CDC42BPA: variants seen among roughly 807,000 people sequenced by gnomAD.
The protein encoded by CDC42BPA is CDC42 binding protein kinase alpha.
A neutral mutation model predicts 223.5 loss-of-function variants in CDC42BPA; 80 were observed. That is an observed-to-expected ratio of 0.36 (90% confidence interval 0.30 to 0.43). CDC42BPA has a LOEUF of 0.43. Ranked by LOEUF, CDC42BPA falls within the 20% of genes least tolerant of loss-of-function variation. CDC42BPA has a pLI of 1.00. For missense variants in CDC42BPA, 1,743 were observed against 2,099.9 expected (o/e 0.83, Z 3.32); for synonymous variants, 694 against 718.6 (o/e 0.97, Z 0.55).
intron 1 of CDC42BPA, among the ~76,000 whole-genome samples, chr1:227,281,923 C>G (rs1456145601): frequency 6.6e-6 from 1 of 152,158 alleles, no homozygotes; most frequent in Non-Finnish European, 1.5e-5. Context: ...GGCATGTTGG[C>G]TCACGCCTGT....
At chr1:227,181,522 T>G (rs1667928334) in intron 5 of CDC42BPA, among the ~76,000 whole-genome samples, 1 of 152,226 alleles carries the variant, frequency 6.6e-6, no homozygotes, top group South Asian at 2.1e-4. Flanking sequence ...TCTTCCTGAT[T>G]CACTTGTTCA....
intron 1 of CDC42BPA, among the ~76,000 whole-genome samples, chr1:227,304,836 T>A (rs1409768183): frequency 6.6e-6 from 1 of 152,250 alleles, no homozygotes; most frequent in Non-Finnish European, 1.5e-5. Context: ...GGAACTGCTC[T>A]GTACCTTGAC....
intron 1 of CDC42BPA, among the ~76,000 whole-genome samples, chr1:227,259,965 A>C (rs1369036838): frequency 2.0e-5 from 3 of 150,750 alleles, no homozygotes; most frequent in South Asian, 4.2e-4. Context: ...TGATAATAAT[A>C]ATCTTAGCAG....
intron 2 of CDC42BPA, among the ~76,000 whole-genome samples, chr1:227,237,451 C>T (rs1017416664): frequency 6.6e-6 from 1 of 152,128 alleles, no homozygotes; most frequent in African/African-American, 2.4e-5. Context: ...AAAAAAGACA[C>T]ACTTAAATAC....
chr1:227,158,984 G>A (rs1056967925), intron 6 of CDC42BPA, among the ~76,000 whole-genome samples: 1 of 152,082 alleles, frequency 6.6e-6, no homozygotes, highest in African/African-American at 2.4e-5. Context: ...GCAATCGTGA[G>A]GAATACCTCA....
intron 16 of CDC42BPA, among the ~76,000 whole-genome samples, chr1:227,089,110 T>C (rs937738636): frequency 6.6e-6 from 1 of 152,222 alleles, no homozygotes; most frequent in African/African-American, 2.4e-5. Context: ...ATTTAAACGT[T>C]TTTATTTTTG....
At chr1:227,297,408 A>G (rs1690830581) in intron 1 of CDC42BPA, among the ~76,000 whole-genome samples, 3 of 151,426 alleles carry the variant, frequency 2.0e-5, no homozygotes, top group South Asian at 4.2e-4. Context: ...TAGAATTACT[A>G]TATGACCCAG....
At chr1:227,242,688 T>A (rs1018140341) in intron 2 of CDC42BPA, among the ~76,000 whole-genome samples, 7 of 151,974 alleles carry the variant, frequency 4.6e-5, no homozygotes, top group Non-Finnish European at 7.4e-5. Flanking sequence ...AAAAAAAGAA[T>A]TGGATTGGGG....
At chr1:227,260,957 C>T (rs184016807) in intron 1 of CDC42BPA, among the ~76,000 whole-genome samples, 1 of 151,018 alleles carries the variant, frequency 6.6e-6, no homozygotes, top group East Asian at 1.9e-4. Flanking sequence ...TTCTGTAATA[C>T]TGTGACTATA....
intron 10 of CDC42BPA, among the ~76,000 whole-genome samples, chr1:227,139,026 G>A (rs966866733): frequency 7.2e-5 from 11 of 152,094 alleles, no homozygotes; most frequent in African/African-American, 2.4e-4. Context: ...TGGAAACTGC[G>A]ATTAAAGAAG....
intron 21 of CDC42BPA, among the ~76,000 whole-genome samples, chr1:227,062,551 G>C (rs1048546041): frequency 6.6e-6 from 1 of 152,242 alleles, no homozygotes; most frequent in African/African-American, 2.4e-5. Context: ...GAAATATTAC[G>C]CTTAAGGGCA....
chr1:227,117,656 T>C (rs1320554211), intron 12 of CDC42BPA, among the ~76,000 whole-genome samples: 2 of 152,066 alleles, frequency 1.3e-5, no homozygotes, highest in Non-Finnish European at 2.9e-5. Context: ...CTTCACAGTT[T>C]TCAAAAAATA....
intron 14 of CDC42BPA, among the ~76,000 whole-genome samples, chr1:227,105,356 C>CTTTTTTTT (rs35065841): frequency 3.3e-5 from 3 of 91,652 alleles, no homozygotes; most frequent in Admixed American, 1.3e-4. Flanking sequence ...TGCCTATTCT[C>CTTTTTTTT]TTTTTTTTTT....
chr1:227,098,599 T>C lies in CDC42BPA; in HGVS notation c.2249+2393A>G, dbSNP rs12563019. On this transcript the variant is annotated intron_variant, in intron 15 of 36. Transcript: ENST00000366766. ...ACTGCTTGGACCAAAAACCTTAGTA[T>C]CATCCTTGAGTCTTCCTTTTTCTCC... 2.7e-3 allele frequency among the ~76,000 whole-genome samples: 414 copies of C among 152,246 alleles called. 12 individuals are homozygous for C. In the East Asian group the frequency reaches 0.052, roughly 19 times the overall value.
intron 6 of CDC42BPA, among the ~76,000 whole-genome samples, chr1:227,157,646 G>A (rs184980523): frequency 2.0e-5 from 3 of 152,082 alleles, no homozygotes; most frequent in East Asian, 3.9e-4. Flanking sequence ...GAGCCATTAC[G>A]TACACATTTT....
At chr1:227,315,955 CAAAAAA>C (rs71180728) in intron 1 of CDC42BPA, among the ~76,000 whole-genome samples, 3 of 110,966 alleles carry the variant, frequency 2.7e-5, no homozygotes, top group African/African-American at 1.1e-4. Context: ...ATTTCAAATC[CAAAAAA>C]AAAAAAAAAA....
chr1:227,177,630 G>A (rs534316168), intron 5 of CDC42BPA, among the ~76,000 whole-genome samples: 1 of 152,162 alleles, frequency 6.6e-6, no homozygotes, highest in East Asian at 1.9e-4. Flanking sequence ...TGGGGTGGAG[G>A]GCAGGGGAGG....
At chr1:227,209,959 A>G (rs1262612686) in intron 3 of CDC42BPA, among the ~76,000 whole-genome samples, 24 of 150,292 alleles carry the variant, frequency 1.6e-4, no homozygotes, top group South Asian at 1.3e-3. Context: ...TACCTCTGGT[A>G]GAATTCGGCT....
intron 3 of CDC42BPA, among the ~76,000 whole-genome samples, chr1:227,200,542 C>G (rs1166463997): frequency 6.8e-6 from 1 of 146,420 alleles, no homozygotes; most frequent in Admixed American, 6.8e-5. Flanking sequence ...TTTTTTTTCT[C>G]AAGAATGACT....
Sources: gnomAD v4.1 joint callset for allele counts (sites outside exome capture counted in the v4.1 genomes callset) on GRCh38, gnomAD v4.1.1 for gene constraint, MANE v1.5 for transcripts, NCBI Gene and HGNC (gene_info 2026-07-23, HGNC 2026-07-21) for gene names.